Variants in TMEM117 observed in about 807,000 individuals in gnomAD.
TMEM117 encodes the protein transmembrane protein 117.
In TMEM117, 27 loss-of-function variants were observed where a neutral mutation model predicts 52.4. The ratio of observed to expected loss-of-function variants is 0.51; its 90% CI spans 0.38 to 0.71. The LOEUF is 0.71. TMEM117 is among the 30% of genes least tolerant of loss of function. The probability of loss-of-function intolerance (pLI) is 0.00; values close to 1 mark genes in which losing one functional copy is unlikely to be tolerated. For synonymous variants in TMEM117, 215 were observed against 206.3 expected, an observed-to-expected ratio of 1.04 and a Z score of -0.36; for missense variants, 556 against 630.5, an observed-to-expected ratio of 0.88 and a Z score of 1.26.
intron 3 of TMEM117, among the ~76,000 whole-genome samples, chr12:43,950,462 G>T (rs1592386978): frequency 6.6e-6 from 1 of 151,994 alleles, no homozygotes; most frequent in South Asian, 2.1e-4. Flanking sequence ...TGGGGTTGGG[G>T]GCAATGACTG....
intron 3 of TMEM117, among the ~76,000 whole-genome samples, chr12:44,032,889 C>CATA (rs2137873727): frequency 6.6e-6 from 1 of 152,242 alleles, no homozygotes; most frequent in South Asian, 2.1e-4. Flanking sequence ...TAAGGGTTCT[C>CATA]TTATAAAAGG....
chr12:43,958,321 G>A (rs997032624), intron 3 of TMEM117, among the ~76,000 whole-genome samples: 5 of 152,078 alleles, frequency 3.3e-5, no homozygotes, highest in Admixed American at 6.5e-5. Context: ...TCCAAAGAGC[G>A]CATACTATTT....
the TMEM117 span, among the ~76,000 whole-genome samples, chr12:43,804,927 TTC>T: frequency 6.6e-6 from 1 of 152,222 alleles, no homozygotes; most frequent in African/African-American, 2.4e-5. Context: ...CCTGCTTTCA[TTC>T]TCTAATTCAG....
intron 3 of TMEM117, among the ~76,000 whole-genome samples, chr12:43,979,968 C>G (rs1384381001): frequency 1.3e-5 from 2 of 152,108 alleles, no homozygotes; most frequent in African/African-American, 4.8e-5. Flanking sequence ...TTCTCTAATG[C>G]TTTTTCTTAT....
intron 2 of TMEM117, among the ~76,000 whole-genome samples, chr12:43,863,966 A>G (rs1486923237): frequency 6.6e-6 from 1 of 152,164 alleles, no homozygotes; most frequent in East Asian, 1.9e-4. Context: ...CCGGGTGGGC[A>G]TGGGCTTGGC....
the TMEM117 span, among the ~76,000 whole-genome samples, chr12:44,397,965 G>A: frequency 1.3e-5 from 2 of 151,976 alleles, no homozygotes; most frequent in Admixed American, 6.6e-5. Flanking sequence ...TTTACCATCA[G>A]TTACCTCTTA....
At chr12:43,899,421 A>C (rs1453491057) in intron 2 of TMEM117, among the ~76,000 whole-genome samples, 1 of 152,222 alleles carries the variant, frequency 6.6e-6, no homozygotes. Context: ...GTTTTATTGT[A>C]TGTACAATGT....
chr12:43,980,602 A>ATGACTTAC (rs146546453), intron 3 of TMEM117, among the ~76,000 whole-genome samples: 1,573 of 152,260 alleles, frequency 0.01, 23 homozygotes, highest in East Asian at 0.035. Context: ...GTGGGCACCA[A>ATGACTTAC]TGACTTACTG....
chr12:44,301,033 T>C (rs147128644), intron 6 of TMEM117, among the ~76,000 whole-genome samples: 1 of 152,330 alleles, frequency 6.6e-6, no homozygotes, highest in African/African-American at 2.4e-5. Flanking sequence ...TTGTAAAATG[T>C]CCACATTGGC....
At chr12:43,940,488 C>G (rs1329819779) in intron 2 of TMEM117, among the ~76,000 whole-genome samples, 3 of 152,172 alleles carry the variant, frequency 2.0e-5, no homozygotes, top group African/African-American at 7.2e-5. Context: ...CCATAATTCT[C>G]CCTGTCACAG....
intron 2 of TMEM117, among the ~76,000 whole-genome samples, chr12:43,942,403 A>G (rs1433309944): frequency 6.6e-6 from 1 of 152,198 alleles, no homozygotes; most frequent in East Asian, 1.9e-4. Context: ...TGGAGGCTTG[A>G]AAATCCCTGG....
At chr12:44,258,935 T>C (rs1466769264) in intron 5 of TMEM117, among the ~76,000 whole-genome samples, 1 of 152,164 alleles carries the variant, frequency 6.6e-6, no homozygotes, top group Non-Finnish European at 1.5e-5. Flanking sequence ...AAAGTCACCA[T>C]GGATGTCAAG....
intron 3 of TMEM117, among the ~76,000 whole-genome samples, chr12:44,031,824 CT>C (rs1306712837): frequency 6.6e-6 from 1 of 152,118 alleles, no homozygotes; most frequent in Non-Finnish European, 1.5e-5. Context: ...AATCTGATTC[CT>C]TTTATAACAG....
intron 3 of TMEM117, among the ~76,000 whole-genome samples, chr12:44,042,816 G>A (rs1050213139): frequency 1.4e-5 from 2 of 137,938 alleles, no homozygotes; most frequent in Admixed American, 1.4e-4. Context: ...ACACTTATTA[G>A]TTCTGCCCCT....
Position 44,389,071 on chromosome 12 carries a change from T to TG in TMEM117, c.*399_*400insG. Reference sequence around the variant, plus strand: ...TTCACATGGGCGTTTTGTATACAACTATTTTGATCTACACTTGATGTCTGA... The same window carrying TG: ...TTCACATGGGCGTTTTGTATACAACTGATTTTGATCTACACTTGATGTCTGA... On this transcript the variant is annotated 3_prime_UTR_variant, in exon 8 of 8. Transcript: ENST00000266534. The TG allele has an allele frequency of 7.0e-6, 1 of 142,536 alleles. No homozygotes were observed. Among genetic ancestry groups the TG allele is most frequent in the Non-Finnish European group, 1.6e-5 (1 of 63,980 alleles). The allele number at this position is 142,536 out of a possible 1,614,324, so 8.8% of individuals were successfully genotyped here.
At chr12:44,253,927 C>T (rs1253927453) in intron 5 of TMEM117, among the ~76,000 whole-genome samples, 1 of 149,938 alleles carries the variant, frequency 6.7e-6, no homozygotes, top group Non-Finnish European at 1.5e-5. Flanking sequence ...CATTTCTATC[C>T]TCAGTAGAGA....
intron 2 of TMEM117, among the ~76,000 whole-genome samples, chr12:43,933,423 G>GA (rs1393977397): frequency 6.6e-6 from 1 of 151,016 alleles, no homozygotes; most frequent in Non-Finnish European, 1.5e-5. Flanking sequence ...GGATGGTCTC[G>GA]ATCTCCTGAC....
At chr12:44,132,837 A>C (rs1014826722) in intron 3 of TMEM117, among the ~76,000 whole-genome samples, 5 of 152,208 alleles carry the variant, frequency 3.3e-5, no homozygotes, top group Non-Finnish European at 5.9e-5. Context: ...AGGCCTAAAA[A>C]ATAACATCTA....
At position 44,049,106 on chromosome 12, in the gene TMEM117, C is replaced by T. The variant is rs576035646; in HGVS notation, c.411-94419C>T. ...TATAAATCATTCTACTGCAAAGACA[C>T]ATGCACACGTATGTTTACTGCAGCA... is the stretch of plus-strand genomic sequence containing the variant. On this transcript the variant is annotated intron_variant, in intron 3 of 7. Transcript: ENST00000266534. Among the ~76,000 whole-genome samples, 459 of 152,218 alleles carry T rather than the reference C, an allele frequency of 3.0e-3. 3 individuals carry two copies. Among genetic ancestry groups the T allele is most frequent in the African/African-American group, 0.011 (446 of 41,518 alleles).
Sources: gnomAD v4.1 joint callset for allele counts (sites outside exome capture counted in the v4.1 genomes callset) on GRCh38, gnomAD v4.1.1 for gene constraint, MANE v1.5 for transcripts, NCBI Gene and HGNC (gene_info 2026-07-23, HGNC 2026-07-21) for gene names.